The following CDH12 variants were observed in gnomAD, a reference collection of about 807,000 sequenced individuals.
CDH12 encodes the protein cadherin-12.
A neutral mutation model predicts 74.1 loss-of-function variants in CDH12; 41 were observed. That is an observed-to-expected ratio of 0.55 (90% CI 0.43 to 0.72). The LOEUF (loss-of-function observed/expected upper bound fraction) is 0.72. CDH12 is among the 30% of genes least tolerant of loss of function. The pLI, the probability that CDH12 is intolerant of heterozygous loss-of-function variation, is 0.00. For missense variants in CDH12, 945 were observed against 977.2 expected (o/e 0.97, Z 0.44); for synonymous variants, 399 against 355.0 (o/e 1.12, Z -1.39).
intron 6 of CDH12, among the ~76,000 whole-genome samples, chr5:21,864,363 A>G (rs951039536): frequency 6.6e-6 from 1 of 152,292 alleles, no homozygotes; most frequent in Non-Finnish European, 1.5e-5. Flanking sequence ...GTGGGTAGAT[A>G]CCATACAATC....
intron 1 of CDH12, among the ~76,000 whole-genome samples, chr5:22,573,936 G>C (rs183422803): frequency 6.6e-6 from 1 of 151,994 alleles, no homozygotes; most frequent in Non-Finnish European, 1.5e-5. Flanking sequence ...GAAGTGTCAC[G>C]CTAAATGGTG....
At chr5:21,943,948 A>T (rs566517992) in intron 6 of CDH12, among the ~76,000 whole-genome samples, 210 of 151,960 alleles carry the variant, frequency 1.4e-3, no homozygotes, top group Middle Eastern at 0.014. Context: ...AGTTAGTTAT[A>T]AAAAAAATAA....
intron 4 of CDH12, among the ~76,000 whole-genome samples, chr5:22,187,653 G>A (rs62349140): frequency 0.95 from 136,206 of 143,668 alleles, 64,603 homozygotes; most frequent in East Asian, 1. Context: ...CCTTGAAAGA[G>A]GAAAAAAAAA....
intron 7 of CDH12, among the ~76,000 whole-genome samples, chr5:21,851,276 A>G (rs1750453028): frequency 6.6e-6 from 1 of 151,192 alleles, no homozygotes; most frequent in Admixed American, 6.6e-5. Context: ...AAATTAAGAC[A>G]TAAGAGTTCA....
chr5:22,784,130 A>G (rs1747514251), intron 1 of CDH12, among the ~76,000 whole-genome samples: 1 of 152,138 alleles, frequency 6.6e-6, no homozygotes, highest in Non-Finnish European at 1.5e-5. Context: ...GCCACTATAT[A>G]TAAAGGTTTT....
intron 4 of CDH12, among the ~76,000 whole-genome samples, chr5:22,170,447 T>C (rs1466413439): frequency 6.6e-5 from 10 of 151,840 alleles, no homozygotes; most frequent in Non-Finnish European, 1.2e-4. Context: ...AAATTGTAGA[T>C]ATAATTTACT....
chr5:22,691,137 C>T (rs1454354509), intron 1 of CDH12, among the ~76,000 whole-genome samples: 1 of 152,146 alleles, frequency 6.6e-6, no homozygotes, highest in Non-Finnish European at 1.5e-5. Context: ...TTTAAAGTCA[C>T]AGTTGTGTAG....
chr5:22,487,733 C>T lies in CDH12; in HGVS notation c.-428+17537G>A, dbSNP rs76945382. ...AATTGAAGAAAGCAAAACCTACTTA[C>T]CTCAGGGCTAGCAAAACCTACCACC... On this transcript the variant is annotated intron_variant, in intron 2 of 14. Transcript: ENST00000382254. Among the ~76,000 whole-genome samples, 1,090 of 152,262 alleles carry T rather than the reference C, an allele frequency of 7.2e-3. 10 individuals carry two copies. The highest frequency in any genetic ancestry group is 0.025 in the African/African-American group (1,054 of 41,550).
intron 6 of CDH12, among the ~76,000 whole-genome samples, chr5:21,920,374 G>T (rs1241045527): frequency 3.3e-5 from 5 of 152,078 alleles, no homozygotes; most frequent in Non-Finnish European, 7.4e-5. Flanking sequence ...TCAGATGAAT[G>T]TAAGTTACTT....
intron 9 of CDH12, among the ~76,000 whole-genome samples, chr5:21,808,838 A>G (rs1747582433): frequency 6.6e-6 from 1 of 152,114 alleles, no homozygotes; most frequent in African/African-American, 2.4e-5. Context: ...GTATTTGATG[A>G]ACAAAAGTTG....
chr5:22,243,750 C>T lies in CDH12; in HGVS notation c.-332-31107G>A, dbSNP rs901593428. On this transcript the variant is annotated intron_variant, in intron 3 of 14. Coordinates refer to ENST00000382254, the MANE Select transcript of CDH12 (RefSeq NM_004061.5). The stretch of plus-strand genomic sequence containing the variant: ...GTTTGATTAACATTTTTTTGAGGAA[C>T]GAAATCCTGACACTCACAATGTGTA... Among the ~76,000 whole-genome samples, 10 of 151,996 alleles carry T rather than the reference C, an allele frequency of 6.6e-5. No individual in the cohort carries two copies. The South Asian group carries it at 8.3e-4, about 13-fold the overall frequency.
At chr5:22,343,511 G>T (rs1043214057) in intron 3 of CDH12, among the ~76,000 whole-genome samples, 1 of 151,990 alleles carries the variant, frequency 6.6e-6, no homozygotes, top group Non-Finnish European at 1.5e-5. Context: ...TCTGCCTCCC[G>T]GGTTCATGCC....
At chr5:22,316,227 T>A (rs1430524292) in intron 3 of CDH12, among the ~76,000 whole-genome samples, 2 of 140,106 alleles carry the variant, frequency 1.4e-5, no homozygotes, top group Non-Finnish European at 3.1e-5. Flanking sequence ...ATGCTAAGAG[T>A]TTTTTTTTTT....
At chr5:22,828,420 C>A (rs910425413) in intron 1 of CDH12, among the ~76,000 whole-genome samples, 7 of 152,128 alleles carry the variant, frequency 4.6e-5, no homozygotes, top group African/African-American at 1.7e-4. Context: ...TCACTGGGAT[C>A]TGCCATTGAC....
chr5:22,752,547 TTTTTTTTTTTTTTTTTTTTTTTTTTTC>T (rs1159802070), intron 1 of CDH12, among the ~76,000 whole-genome samples: 3 of 17,328 alleles, frequency 1.7e-4, no homozygotes, highest in South Asian at 4.0e-3. Flanking sequence ...GGATACTTCT[TTTTTTTTTTTTTTTTTTTTTTTTTTTC>T]TTTTTTTTTT....
chr5:21,801,882 G>T (rs749893808), intron 10 of CDH12, among the ~76,000 whole-genome samples: 1 of 152,024 alleles, frequency 6.6e-6, no homozygotes, highest in Non-Finnish European at 1.5e-5. Context: ...ATTAAATCCC[G>T]TTTATACATG....
At chr5:22,776,520 G>A (rs988621017) in intron 1 of CDH12, among the ~76,000 whole-genome samples, 1 of 152,106 alleles carries the variant, frequency 6.6e-6, no homozygotes, top group Non-Finnish European at 1.5e-5. Context: ...CGTACACAGA[G>A]CTCTATAGGC....
intron 8 of CDH12, among the ~76,000 whole-genome samples, chr5:21,822,085 T>A (rs1249406690): frequency 6.6e-6 from 1 of 151,960 alleles, no homozygotes; most frequent in Non-Finnish European, 1.5e-5. Flanking sequence ...CTTTTCCTGA[T>A]CGTTTAAAAT....
At chr5:22,705,059 G>A (rs1742918742) in intron 1 of CDH12, among the ~76,000 whole-genome samples, 2 of 150,768 alleles carry the variant, frequency 1.3e-5, no homozygotes, top group African/African-American at 4.9e-5. Context: ...TATATAATGT[G>A]CGTGTTTGTG....
Sources: gnomAD v4.1 joint callset for allele counts (sites outside exome capture counted in the v4.1 genomes callset) on GRCh38, gnomAD v4.1.1 for gene constraint, MANE v1.5 for transcripts, NCBI Gene and HGNC (gene_info 2026-07-23, HGNC 2026-07-21) for gene names.